The following CSMD1 variants were observed in gnomAD, a reference collection of about 807,000 sequenced individuals.
CSMD1 encodes CUB and Sushi multiple domains 1, also known as CUB and sushi domain-containing protein 1.
A neutral mutation model predicts 417.5 loss-of-function variants in CSMD1; 213 were observed. The observed-to-expected ratio is 0.51, with a 90% CI of 0.46 to 0.57. The LOEUF is 0.57. Ranked by LOEUF, CSMD1 falls within the 20% of genes least tolerant of loss-of-function variation. The pLI is 0.00. For synonymous variants in CSMD1, 2,862 were observed against 1,736.8 expected, an observed-to-expected ratio of 1.65 and a Z score of -16.11; for missense variants, 6,923 against 4,529.7, an observed-to-expected ratio of 1.53 and a Z score of -15.17.
chr8:4,641,692 T>A (rs1384597138), intron 1 of CSMD1, among the ~76,000 whole-genome samples: 2 of 152,178 alleles, frequency 1.3e-5, no homozygotes, highest in Admixed American at 6.5e-5. Flanking sequence ...CCCAGTGCAT[T>A]ACAGACCTCA....
chr8:4,465,843 A>T (rs1800134120), intron 2 of CSMD1, among the ~76,000 whole-genome samples: 1 of 152,158 alleles, frequency 6.6e-6, no homozygotes, highest in Admixed American at 6.5e-5. Flanking sequence ...CTCAAGCCAC[A>T]CATTCTATCC....
chr8:4,977,695 T>C (rs1211312576), intron 1 of CSMD1, among the ~76,000 whole-genome samples: 1 of 152,152 alleles, frequency 6.6e-6, no homozygotes, highest in East Asian at 1.9e-4. Context: ...GAGCGCCTCC[T>C]AAGGAGGTCC....
chr8:3,658,318 G>C (rs919230733), intron 7 of CSMD1, among the ~76,000 whole-genome samples: 5 of 151,764 alleles, frequency 3.3e-5, no homozygotes, highest in Non-Finnish European at 7.4e-5. Context: ...TTAGCATATA[G>C]ATTTACTTAA....
intron 12 of CSMD1, among the ~76,000 whole-genome samples, chr8:3,411,016 G>A (rs1391610824): frequency 6.6e-6 from 1 of 152,170 alleles, no homozygotes; most frequent in Non-Finnish European, 1.5e-5. Flanking sequence ...GCCGGGCAGG[G>A]CAGTGAGGGA....
At chr8:4,318,983 TCA>T (rs1320104886) in intron 3 of CSMD1, among the ~76,000 whole-genome samples, 1 of 152,182 alleles carries the variant, frequency 6.6e-6, no homozygotes, top group Non-Finnish European at 1.5e-5. Context: ...TCTATCATCT[TCA>T]TATTAAACAG....
intron 42 of CSMD1, among the ~76,000 whole-genome samples, chr8:3,111,482 T>A (rs1358834340): frequency 2.0e-5 from 3 of 152,106 alleles, no homozygotes; most frequent in Admixed American, 1.3e-4. Context: ...AGCCTCCACT[T>A]CTATAAATTC....
At chr8:4,643,756 G>C (rs7009980) in intron 1 of CSMD1, among the ~76,000 whole-genome samples, 1 of 152,138 alleles carries the variant, frequency 6.6e-6, no homozygotes, top group African/African-American at 2.4e-5. Flanking sequence ...TACAGTTTCA[G>C]GGGTTATTCC....
At chr8:3,891,357 G>A (rs1026682903) in intron 5 of CSMD1, among the ~76,000 whole-genome samples, 1 of 151,992 alleles carries the variant, frequency 6.6e-6, no homozygotes, top group African/African-American at 2.4e-5. Flanking sequence ...TCCTGAGCAG[G>A]TTCTTGAAAT....
chr8:3,852,398 T>C (rs561021330), intron 5 of CSMD1, among the ~76,000 whole-genome samples: 3 of 152,118 alleles, frequency 2.0e-5, no homozygotes, highest in Non-Finnish European at 2.9e-5. Context: ...GATGAGCATG[T>C]ACAGTGAACC....
chr8:4,489,394 C>G (rs1356968268), intron 2 of CSMD1, among the ~76,000 whole-genome samples: 2 of 152,154 alleles, frequency 1.3e-5, no homozygotes, highest in Non-Finnish European at 1.5e-5. Flanking sequence ...CAATCCCCAC[C>G]AAAACATTTA....
intron 5 of CSMD1, among the ~76,000 whole-genome samples, chr8:3,835,254 A>C (rs1802613270): frequency 6.6e-6 from 1 of 151,840 alleles, no homozygotes; most frequent in Admixed American, 6.6e-5. Context: ...TGCTGCTATA[A>C]AGACACATGC....
At chr8:3,730,240 C>G (rs975596803) in intron 6 of CSMD1, among the ~76,000 whole-genome samples, 1 of 152,054 alleles carries the variant, frequency 6.6e-6, no homozygotes, top group Non-Finnish European at 1.5e-5. Context: ...TGGTTAAATT[C>G]GAGATGAGAA....
intron 7 of CSMD1, among the ~76,000 whole-genome samples, chr8:3,665,166 A>G (rs1162041049): frequency 6.6e-6 from 1 of 152,188 alleles, no homozygotes; most frequent in Non-Finnish European, 1.5e-5. Context: ...AATGAGATAA[A>G]ATTACTGGAA....
intron 2 of CSMD1, among the ~76,000 whole-genome samples, chr8:4,445,873 G>C (rs1029325685): frequency 1.3e-5 from 2 of 152,206 alleles, no homozygotes; most frequent in African/African-American, 2.4e-5. Flanking sequence ...TCCCGCTGGA[G>C]AAGGGCACAA....
At chr8:3,329,406 T>G (rs4875616) in intron 23 of CSMD1, among the ~76,000 whole-genome samples, 36,864 of 151,712 alleles carry the variant, frequency 0.24, 5,051 homozygotes, top group East Asian at 0.53. Context: ...AAAAGACCCT[T>G]CAAGCAGATG....
At chr8:4,437,310 A>AG (rs1246667520) in intron 2 of CSMD1, among the ~76,000 whole-genome samples, 2 of 152,306 alleles carry the variant, frequency 1.3e-5, no homozygotes, top group African/African-American at 4.8e-5. Context: ...TTAGTTTGAG[A>AG]GAAAAAAAAT....
chr8:3,306,832 TTAAAAATATTA>T (rs1804894058), intron 25 of CSMD1, among the ~76,000 whole-genome samples: 1 of 27,930 alleles, frequency 3.6e-5, no homozygotes, highest in Non-Finnish European at 8.2e-5. Context: ...AGAGCTTACT[TTAAAAATATTA>T]CAGAGCTTAC....
intron 1 of CSMD1, among the ~76,000 whole-genome samples, chr8:4,896,301 T>C (rs925877150): frequency 3.9e-5 from 6 of 152,146 alleles, no homozygotes; most frequent in African/African-American, 1.4e-4. Flanking sequence ...TGGGTCTCTT[T>C]ACATTCATGC....
At chr8:3,849,117 A>T (rs973108486) in intron 5 of CSMD1, among the ~76,000 whole-genome samples, 3 of 152,172 alleles carry the variant, frequency 2.0e-5, no homozygotes, top group African/African-American at 7.2e-5. Flanking sequence ...AGAAAGTTAC[A>T]CTGAAAGACA....
Sources: allele counts gnomAD v4.1 joint callset (sites outside exome capture counted in the v4.1 genomes callset), GRCh38; gene constraint gnomAD v4.1.1; transcripts MANE v1.5; gene names NCBI Gene and HGNC (gene_info 2026-07-23, HGNC 2026-07-21).